MAST2: variants seen among roughly 807,000 people sequenced by gnomAD.
MAST2 encodes the protein microtubule associated serine/threonine kinase 2, also known as microtubule-associated serine/threonine-protein kinase 2.
In MAST2, 70 loss-of-function variants were observed where a neutral mutation model predicts 147.4. That is an observed-to-expected ratio of 0.47 (90% CI 0.39 to 0.58). MAST2 has a LOEUF of 0.58. MAST2 is among the 20% of genes least tolerant of loss of function. The pLI, the probability that MAST2 is intolerant of heterozygous loss-of-function variation, is 0.00. For synonymous variants in MAST2, 869 were observed against 896.8 expected (o/e 0.97, Z 0.55); for missense variants, 2,080 against 2,302.3 (o/e 0.90, Z 1.98).
intron 5 of MAST2, among the ~76,000 whole-genome samples, chr1:45,971,419 G>A (rs951409369): frequency 2.6e-5 from 4 of 152,230 alleles, no homozygotes; most frequent in Admixed American, 2.0e-4. Context: ...AACAGAGAGA[G>A]TCAGTGGGGA....
intron 5 of MAST2, among the ~76,000 whole-genome samples, chr1:45,969,982 G>C (rs1184177629): frequency 6.6e-6 from 1 of 152,156 alleles, no homozygotes. Flanking sequence ...CCACACCATA[G>C]CTGGGACAGG....
At chr1:46,007,963 C>T (rs1056362882) in intron 8 of MAST2, among the ~76,000 whole-genome samples, 4 of 152,248 alleles carry the variant, frequency 2.6e-5, no homozygotes, top group Admixed American at 1.3e-4. Flanking sequence ...ACCCTATTGA[C>T]CAAAACTAAG....
chr1:45,912,993 C>T (rs769256512), intron 4 of MAST2, among the ~76,000 whole-genome samples: 3 of 152,120 alleles, frequency 2.0e-5, no homozygotes, highest in Non-Finnish European at 2.9e-5. Context: ...CTTAGCTTAC[C>T]CTTCAATAGA....
chr1:46,026,252 G>C (rs926705434), intron 16 of MAST2, among the ~76,000 whole-genome samples: 16 of 152,178 alleles, frequency 1.1e-4, no homozygotes, highest in Non-Finnish European at 1.6e-4. Flanking sequence ...GAGGGTATTA[G>C]TCAAGTGGAA....
chr1:45,919,790 T>TG lies in MAST2; in HGVS notation c.500+37396dup, dbSNP rs201302894. 1.0e-3 allele frequency among the ~76,000 whole-genome samples: 153 copies of TG among 149,492 alleles called. No individual in the cohort carries two copies. The Middle Eastern group carries it at 0.01, about 10-fold the overall frequency. On this transcript the variant is annotated intron_variant, in intron 4 of 28. Transcript: ENST00000361297. Reference sequence around the variant, plus strand: ...CAGCTTTGGAGCTTGTTAAATTTCATGTTTTTTTTTTTTTTTTTCATAGAC... The same window carrying TG: ...CAGCTTTGGAGCTTGTTAAATTTCATGGTTTTTTTTTTTTTTTTTCATAGAC...
intron 1 of MAST2, among the ~76,000 whole-genome samples, chr1:45,813,113 ATTAT>A (rs1644351777): frequency 1.3e-5 from 2 of 152,198 alleles, no homozygotes; most frequent in East Asian, 3.9e-4. Context: ...TCATCTCCAG[ATTAT>A]TTATAATATA....
chr1:46,008,000 G>A (rs1645557834), intron 8 of MAST2, among the ~76,000 whole-genome samples: 1 of 152,070 alleles, frequency 6.6e-6, no homozygotes, highest in African/African-American at 2.4e-5. Context: ...TACTCCAGGG[G>A]AGTTTATCCT....
intron 5 of MAST2, among the ~76,000 whole-genome samples, chr1:45,962,338 A>G (rs1414057664): frequency 2.6e-5 from 4 of 152,024 alleles, no homozygotes; most frequent in African/African-American, 9.7e-5. Context: ...TCCCTGAGGA[A>G]TCGCCACACT....
At chr1:45,935,205 G>T (rs1218565750) in intron 4 of MAST2, among the ~76,000 whole-genome samples, 1 of 152,166 alleles carries the variant, frequency 6.6e-6, no homozygotes, top group Non-Finnish European at 1.5e-5. Flanking sequence ...CTTCTGAGGA[G>T]TGTCTGTTCA....
At chr1:45,910,809 G>C (rs1274841295) in intron 4 of MAST2, among the ~76,000 whole-genome samples, 1 of 152,224 alleles carries the variant, frequency 6.6e-6, no homozygotes, top group Non-Finnish European at 1.5e-5. Flanking sequence ...ATCTCAGGCA[G>C]AGTTCTCTGA....
At chr1:45,983,228 A>T (rs1332056275) in intron 5 of MAST2, among the ~76,000 whole-genome samples, 1 of 152,216 alleles carries the variant, frequency 6.6e-6, no homozygotes, top group Non-Finnish European at 1.5e-5. Flanking sequence ...TGATTACTTA[A>T]TAAGTACAGT....
At chr1:45,975,152 G>A (rs955686039) in intron 5 of MAST2, among the ~76,000 whole-genome samples, 4 of 152,136 alleles carry the variant, frequency 2.6e-5, no homozygotes, top group Non-Finnish European at 4.4e-5. Context: ...TGCATCCACA[G>A]GGGACAGTCA....
chr1:45,823,510 A>G (rs1051920197), intron 1 of MAST2, among the ~76,000 whole-genome samples: 5 of 151,652 alleles, frequency 3.3e-5, no homozygotes, highest in Non-Finnish European at 5.9e-5. Context: ...TAATTTTTGT[A>G]TTTTTAGTAG....
chr1:45,925,767 TTC>T (rs1654264954), intron 4 of MAST2, among the ~76,000 whole-genome samples: 1 of 152,220 alleles, frequency 6.6e-6, no homozygotes, highest in Non-Finnish European at 1.5e-5. Context: ...GCATAGGAAT[TTC>T]TTCCATACAA....
chr1:45,846,143 C>G (rs1318024709), intron 3 of MAST2, among the ~76,000 whole-genome samples: 1 of 151,812 alleles, frequency 6.6e-6, no homozygotes, highest in African/African-American at 2.4e-5. Flanking sequence ...CCATTTAACT[C>G]TGGTTCAAAA....
chr1:46,005,218 C>T (rs577811423), intron 7 of MAST2, among the ~76,000 whole-genome samples: 61 of 152,212 alleles, frequency 4.0e-4, no homozygotes, highest in African/African-American at 1.4e-3. Context: ...CAAAATTACC[C>T]GGGCATGGTG....
At chr1:45,927,403 G>T (rs1570754590) in intron 4 of MAST2, among the ~76,000 whole-genome samples, 1 of 152,280 alleles carries the variant, frequency 6.6e-6, no homozygotes, top group Non-Finnish European at 1.5e-5. Context: ...CACCCCTGCA[G>T]CCTCAACCAT....
At chr1:45,897,750 G>A (rs970632479) in intron 4 of MAST2, among the ~76,000 whole-genome samples, 1 of 151,448 alleles carries the variant, frequency 6.6e-6, no homozygotes, top group African/African-American at 2.4e-5. Flanking sequence ...CGGAGGTTGC[G>A]GTGAGCCATA....
chr1:46,000,879 A>G, intron 6 of MAST2: 3 of 1,074,516 alleles, frequency 2.8e-6, no homozygotes, highest in African/African-American at 1.6e-5. Flanking sequence ...GTGCCAAGCT[A>G]GACCAAATAC....
Sources: gnomAD v4.1 joint callset for allele counts (sites outside exome capture counted in the v4.1 genomes callset) on GRCh38, gnomAD v4.1.1 for gene constraint, MANE v1.5 for transcripts, NCBI Gene and HGNC (gene_info 2026-07-23, HGNC 2026-07-21) for gene names.